Variants in KIAA1217 observed in about 807,000 individuals in gnomAD.
KIAA1217 encodes KIAA1217.
KIAA1217 carries 88 observed loss-of-function variants against 163.9 expected under a neutral mutation model. That is an observed-to-expected ratio of 0.54 (90% CI 0.45 to 0.64). KIAA1217 has a LOEUF of 0.64. Ranked by LOEUF, KIAA1217 falls within the 30% of genes least tolerant of loss-of-function variation. KIAA1217 has a pLI of 0.00. For synonymous variants in KIAA1217, 903 were observed against 923.1 expected, an observed-to-expected ratio of 0.98 and a Z score of 0.39; for missense variants, 2,372 against 2,475.0, an observed-to-expected ratio of 0.96 and a Z score of 0.88.
chr10:24,444,259 G>A (rs535063722), intron 5 of KIAA1217, among the ~76,000 whole-genome samples: 11 of 152,178 alleles, frequency 7.2e-5, no homozygotes, highest in South Asian at 2.1e-4. Context: ...TGATCCACCC[G>A]CCTCGGCCTC....
At chr10:23,925,352 C>T (rs1331694353) in intron 1 of KIAA1217, among the ~76,000 whole-genome samples, 7 of 152,108 alleles carry the variant, frequency 4.6e-5, no homozygotes, top group Non-Finnish European at 8.8e-5. Context: ...AGAGAGGCAT[C>T]AGGAAATAAA....
intron 1 of KIAA1217, among the ~76,000 whole-genome samples, chr10:23,742,304 G>T (rs904419562): frequency 6.6e-6 from 1 of 152,212 alleles, no homozygotes; most frequent in Non-Finnish European, 1.5e-5. Flanking sequence ...GACGCTAGAA[G>T]AGTGTGACAT....
At chr10:24,187,844 C>T (rs548713324) in intron 2 of KIAA1217, among the ~76,000 whole-genome samples, 2 of 151,150 alleles carry the variant, frequency 1.3e-5, no homozygotes, top group African/African-American at 2.4e-5. Context: ...GAGCCAAGAT[C>T]GCACCATTGC....
intron 9 of KIAA1217, among the ~76,000 whole-genome samples, chr10:24,508,802 C>T (rs2068708945): frequency 6.6e-6 from 1 of 152,166 alleles, no homozygotes; most frequent in Non-Finnish European, 1.5e-5. Context: ...CACAAAGGAG[C>T]ACATGTTATA....
intron 8 of KIAA1217, among the ~76,000 whole-genome samples, chr10:24,500,900 C>T (rs1460360762): frequency 3.3e-5 from 5 of 151,904 alleles, no homozygotes; most frequent in Admixed American, 1.3e-4. Flanking sequence ...CTGGGCAATA[C>T]GGTGAGACCC....
chr10:24,479,458 T>C (rs988370236), intron 6 of KIAA1217, among the ~76,000 whole-genome samples: 1 of 151,716 alleles, frequency 6.6e-6, no homozygotes, highest in African/African-American at 2.4e-5. Context: ...GCTGGTATAG[T>C]AAAAAGTGAG....
At position 23,954,952 on chromosome 10, in the gene KIAA1217, T is replaced by C. The variant is rs74609813; in HGVS notation, c.-320-52273T>C. Among the ~76,000 whole-genome samples, 311 of 152,310 alleles carry C rather than the reference T, an allele frequency of 2.0e-3. 5 individuals carry two copies. The East Asian group carries it at 0.025, about 12-fold the overall frequency. On this transcript the variant is annotated intron_variant, in intron 1 of 18. Coordinates refer to the KIAA1217 transcript ENST00000376462. ...TTTGAATCTTGGCTTTGCTACTGAT[T>C]AACATGGTATCTAGATTAAGTTACT...
chr10:24,304,907 A>G (rs1207186158), intron 2 of KIAA1217, among the ~76,000 whole-genome samples: 1 of 152,164 alleles, frequency 6.6e-6, no homozygotes, highest in Non-Finnish European at 1.5e-5. Context: ...CTTATGGGCT[A>G]TGCTAAGGAG....
intron 3 of KIAA1217, among the ~76,000 whole-genome samples, chr10:24,431,595 G>T (rs116978316): frequency 6.6e-6 from 1 of 152,128 alleles, no homozygotes; most frequent in Non-Finnish European, 1.5e-5. Flanking sequence ...GTGACCTCCC[G>T]TGTGGCTGGG....
intron 2 of KIAA1217, among the ~76,000 whole-genome samples, chr10:24,039,714 A>G (rs543671700): frequency 5.3e-5 from 8 of 152,186 alleles, no homozygotes; most frequent in Non-Finnish European, 1.0e-4. Flanking sequence ...TTGTATATAC[A>G]TATGTATGCA....
intron 2 of KIAA1217, among the ~76,000 whole-genome samples, chr10:24,121,036 CAG>C (rs1339200055): frequency 6.6e-6 from 1 of 152,132 alleles, no homozygotes; most frequent in Non-Finnish European, 1.5e-5. Context: ...TTTCAATGGA[CAG>C]GGGAGGAAAA....
chr10:24,121,461 A>G (rs1454444251), intron 2 of KIAA1217, among the ~76,000 whole-genome samples: 1 of 152,140 alleles, frequency 6.6e-6, no homozygotes, highest in East Asian at 1.9e-4. Context: ...TAGTGAACAA[A>G]TGTGTTTTAG....
intron 1 of KIAA1217, among the ~76,000 whole-genome samples, chr10:23,966,251 A>G (rs981249219): frequency 2.0e-5 from 3 of 152,302 alleles, no homozygotes; most frequent in Non-Finnish European, 2.9e-5. Flanking sequence ...TGTGGGCACT[A>G]CCTTTGGAGA....
At chr10:23,793,169 C>A (rs16923858) in intron 1 of KIAA1217, among the ~76,000 whole-genome samples, 1 of 151,884 alleles carries the variant, frequency 6.6e-6, no homozygotes, top group African/African-American at 2.4e-5. Flanking sequence ...GCTTCAGTCC[C>A]GTTCCTGTGT....
chr10:24,024,001 A>G (rs1847842848), intron 2 of KIAA1217, among the ~76,000 whole-genome samples: 1 of 151,558 alleles, frequency 6.6e-6, no homozygotes, highest in Admixed American at 6.6e-5. Context: ...GAGCCTTCTG[A>G]GAGGCTGGAC....
At chr10:23,979,392 G>A (rs1028336050) in intron 1 of KIAA1217, among the ~76,000 whole-genome samples, 2 of 152,128 alleles carry the variant, frequency 1.3e-5, no homozygotes, top group Non-Finnish European at 2.9e-5. Flanking sequence ...ATATTTTAAG[G>A]TGGAGAAGTG....
At chr10:24,302,486 T>C (rs2041485926) in intron 2 of KIAA1217, among the ~76,000 whole-genome samples, 1 of 152,234 alleles carries the variant, frequency 6.6e-6, no homozygotes, top group South Asian at 2.1e-4. Flanking sequence ...TTTGGCCTTA[T>C]GTTTTCTATG....
chr10:24,217,737 G>A (rs963543907), intron 1 of KIAA1217, among the ~76,000 whole-genome samples: 2 of 152,034 alleles, frequency 1.3e-5, no homozygotes, highest in African/African-American at 4.8e-5. Flanking sequence ...TGTTTATCTG[G>A]GATTCAACTG....
chr10:24,376,551 T>C (rs982518133), intron 2 of KIAA1217, among the ~76,000 whole-genome samples: 4 of 152,128 alleles, frequency 2.6e-5, no homozygotes. Flanking sequence ...TCGCTTAAGC[T>C]TAGGAGTTTG....
Sources: allele counts gnomAD v4.1 joint callset (sites outside exome capture counted in the v4.1 genomes callset), GRCh38; gene constraint gnomAD v4.1.1; transcripts MANE v1.5; gene names NCBI Gene and HGNC (gene_info 2026-07-23, HGNC 2026-07-21).